PTPRD: variants seen among roughly 807,000 people sequenced by gnomAD.
PTPRD encodes the protein receptor-type tyrosine-protein phosphatase delta.
A neutral mutation model predicts 214.5 loss-of-function variants in PTPRD; 34 were observed. The observed-to-expected ratio is 0.16, with a 90% CI of 0.12 to 0.21. The LOEUF (loss-of-function observed/expected upper bound fraction) is 0.21, where lower values mean the gene tolerates loss of function less well. PTPRD is among the 10% of genes least tolerant of loss of function. The pLI is 1.00. For synonymous variants in PTPRD, 1,128 were observed against 845.7 expected (o/e 1.33, Z -5.79); for missense variants, 2,545 against 2,398.7 (o/e 1.06, Z -1.27).
rs941102983 is a variant in PTPRD, at chr9:9,270,899, G to A, written c.-202-87536C>T. ...GATATCGGGGGGTGTAGGGATAGGA[G>A]GAATCAAAGAACACTCTTCGAATTA... On this transcript the variant is annotated intron_variant, in intron 9 of 45. Coordinates refer to ENST00000381196, the MANE Select transcript of PTPRD (RefSeq NM_002839.4). Among the ~76,000 whole-genome samples, 43 of 151,124 alleles carry A rather than the reference G, an allele frequency of 2.8e-4. 1 individual carries two copies. Among genetic ancestry groups the A allele is most frequent in the Non-Finnish European group, 4.4e-5 (3 of 67,520 alleles).
intron 2 of PTPRD, among the ~76,000 whole-genome samples, chr9:10,460,528 C>A (rs1024536408): frequency 6.6e-6 from 1 of 151,658 alleles, no homozygotes; most frequent in Non-Finnish European, 1.5e-5. Flanking sequence ...TACAGATACA[C>A]AGACCAGTGG....
chr9:9,954,742 C>T (rs1320603158), intron 4 of PTPRD, among the ~76,000 whole-genome samples: 2 of 151,890 alleles, frequency 1.3e-5, no homozygotes, highest in Admixed American at 6.6e-5. Context: ...GTGTATATCC[C>T]AGCAATGTTA....
At chr9:8,490,728 G>T (rs773565926) in intron 27 of PTPRD, among the ~76,000 whole-genome samples, 1 of 152,076 alleles carries the variant, frequency 6.6e-6, no homozygotes, top group Non-Finnish European at 1.5e-5. Context: ...GCATCCTTGA[G>T]GTTATATGAA....
chr9:9,725,835 A>C (rs577523007), intron 7 of PTPRD, among the ~76,000 whole-genome samples: 2 of 152,112 alleles, frequency 1.3e-5, no homozygotes, highest in African/African-American at 4.8e-5. Flanking sequence ...TCTTCTTTCA[A>C]GATAGCCCTC....
intron 10 of PTPRD, among the ~76,000 whole-genome samples, chr9:9,161,489 G>T (rs369596288): frequency 6.6e-6 from 1 of 152,112 alleles, no homozygotes; most frequent in East Asian, 1.9e-4. Context: ...TGGGCTCCAA[G>T]CCAGGCAGTT....
chr9:8,775,302 C>G (rs749126022), intron 11 of PTPRD, among the ~76,000 whole-genome samples: 2 of 152,088 alleles, frequency 1.3e-5, no homozygotes, highest in Non-Finnish European at 2.9e-5. Context: ...CCTGGGGCAA[C>G]ATTTAATTAA....
chr9:9,472,201 T>C (rs2094644610), intron 8 of PTPRD, among the ~76,000 whole-genome samples: 1 of 94,818 alleles, frequency 1.1e-5, no homozygotes, highest in African/African-American at 3.6e-5. Flanking sequence ...TTTTTTTTTT[T>C]TTTTTCTTTT....
chr9:9,275,144 T>TA (rs1944836448), intron 9 of PTPRD, among the ~76,000 whole-genome samples: 30 of 66,742 alleles, frequency 4.5e-4, no homozygotes, highest in Middle Eastern at 6.3e-3. Context: ...ATAATATATA[T>TA]ATAATATATT....
chr9:9,279,672 CTTAATTA>C (rs1946951696), intron 9 of PTPRD, among the ~76,000 whole-genome samples: 1 of 150,592 alleles, frequency 6.6e-6, no homozygotes, highest in Non-Finnish European at 1.5e-5. Flanking sequence ...TGTTTAAAAA[CTTAATTA>C]TTAATATTTT....
chr9:9,433,533 TAAGTAAA>T (rs138612083), intron 8 of PTPRD, among the ~76,000 whole-genome samples: 9,767 of 152,168 alleles, frequency 0.064, 340 homozygotes, highest in Middle Eastern at 0.17. Flanking sequence ...AGAAACTAAT[TAAGTAAA>T]AAGTGGAAAA....
intron 2 of PTPRD, among the ~76,000 whole-genome samples, chr9:10,488,082 G>C (rs570177541): frequency 1.3e-5 from 2 of 151,330 alleles, no homozygotes; most frequent in Non-Finnish European, 2.9e-5. Flanking sequence ...GACTGTGCCA[G>C]GTCGGCTGGG....
At chr9:9,722,394 C>G (rs185144288) in intron 7 of PTPRD, among the ~76,000 whole-genome samples, 70 of 152,122 alleles carry the variant, frequency 4.6e-4, no homozygotes, top group Non-Finnish European at 2.1e-4. Flanking sequence ...CAGCACGTAA[C>G]AGTACTTCAT....
chr9:8,703,639 A>T (rs1023841451), intron 12 of PTPRD, among the ~76,000 whole-genome samples: 3 of 151,876 alleles, frequency 2.0e-5, no homozygotes, highest in African/African-American at 7.3e-5. Context: ...ACCTCTATTA[A>T]TTCTATTAAC....
At chr9:9,646,856 G>A (rs993756886) in intron 7 of PTPRD, among the ~76,000 whole-genome samples, 2 of 152,158 alleles carry the variant, frequency 1.3e-5, no homozygotes, top group South Asian at 2.1e-4. Flanking sequence ...AAAGTATATT[G>A]TAGTACAATA....
intron 10 of PTPRD, among the ~76,000 whole-genome samples, chr9:9,148,411 G>T (rs943465270): frequency 6.6e-6 from 1 of 152,022 alleles, no homozygotes; most frequent in Non-Finnish European, 1.5e-5. Flanking sequence ...ATTATATGTG[G>T]AAATAAAATT....
At chr9:9,813,031 A>G (rs1016442250) in intron 5 of PTPRD, among the ~76,000 whole-genome samples, 3 of 152,162 alleles carry the variant, frequency 2.0e-5, no homozygotes, top group South Asian at 2.1e-4. Flanking sequence ...AAATATGTGG[A>G]AAGTAAACAA....
chr9:9,015,869 T>C (rs1389589964), intron 11 of PTPRD, among the ~76,000 whole-genome samples: 1 of 152,124 alleles, frequency 6.6e-6, no homozygotes, highest in South Asian at 2.1e-4. Flanking sequence ...TTTTTGACCA[T>C]AAACAGAAAA....
At position 9,923,123 on chromosome 9, in the gene PTPRD, G is replaced by GTGTGTGTGTGTGTGT. The variant is rs1555340190; in HGVS notation, c.-368+15383_-368+15384insACACACACACACACA. On this transcript the variant is annotated intron_variant, in intron 5 of 45. Coordinates refer to ENST00000381196, the MANE Select transcript of PTPRD (RefSeq NM_002839.4). ...AAAAAAAAGGACTGTGTGTGTGGGG[G>GTGTGTGTGTGTGTGT]GTGTGTGTGTGTGTGTGTGTGTGTG... Among the ~76,000 whole-genome samples the GTGTGTGTGTGTGTGT allele has an allele frequency of 2.0e-3, 297 of 145,052 alleles. 2 individuals carry two copies. The highest frequency in any genetic ancestry group is 7.3e-3 in the African/African-American group (285 of 39,290).
At chr9:9,204,110 A>T (rs542744714) in intron 9 of PTPRD, among the ~76,000 whole-genome samples, 1 of 152,192 alleles carries the variant, frequency 6.6e-6, no homozygotes, top group Non-Finnish European at 1.5e-5. Context: ...GCTGTGCGCC[A>T]GGGAACAGAT....
Sources: gnomAD v4.1 joint callset for allele counts (sites outside exome capture counted in the v4.1 genomes callset) on GRCh38, gnomAD v4.1.1 for gene constraint, MANE v1.5 for transcripts, NCBI Gene and HGNC (gene_info 2026-07-23, HGNC 2026-07-21) for gene names.